MAST4: variants seen among roughly 807,000 people sequenced by gnomAD.
MAST4 encodes the protein microtubule associated serine/threonine kinase family member 4, also known as microtubule-associated serine/threonine-protein kinase 4.
Under a neutral mutation model 162.7 loss-of-function variants are expected in MAST4, and 89 were observed. The observed-to-expected ratio is 0.55, with a 90% CI of 0.46 to 0.65. The LOEUF (loss-of-function observed/expected upper bound fraction) is 0.65, where lower values mean the gene tolerates loss of function less well. Among genes scored for constraint, MAST4 ranks in the 30% least tolerant of loss-of-function variants. The probability of loss-of-function intolerance (pLI) is 0.00; values close to 1 mark genes in which losing one functional copy is unlikely to be tolerated. For missense variants in MAST4, 3,153 were observed against 3,374.0 expected, an observed-to-expected ratio of 0.93 and a Z score of 1.62; for synonymous variants, 1,479 against 1,361.1, an observed-to-expected ratio of 1.09 and a Z score of -1.91.
At position 67,166,126 on chromosome 5, in the gene MAST4, C is replaced by G; in HGVS notation, c.6947C>G (p.Ala2316Gly). The G allele has an allele frequency of 4.4e-6, 7 of 1,602,310 alleles. 1 individual carries two copies. In the South Asian group the frequency reaches 7.8e-5, roughly 18 times the overall value. ...GGACACCCAGGGCCTAGTGAGCCAG[C>G]GGACCAGAAACTGTCCGCTGTTGGT... is the stretch of plus-strand genomic sequence containing the variant. Reference protein sequence around the residue: ...RPGHPGPSEPADQKLSAVGEK... With the variant: ...RPGHPGPSEPGDQKLSAVGEK... The change falls in exon 29 of 29, where the codon GCG becomes GGG. Residue 2316 changes from alanine to glycine, a missense_variant. Physicochemically the swap from Ala to Gly is moderately conservative, Grantham distance 60 (BLOSUM62 0). This residue lies in a region of MAST4 where 1,644 missense variants were observed against 1,495.0 expected (regional missense o/e 1.10). Transcript: ENST00000403625.
intron 3 of MAST4, among the ~76,000 whole-genome samples, chr5:66,896,296 T>G (rs1762679165): frequency 6.6e-6 from 1 of 152,224 alleles, no homozygotes; most frequent in African/African-American, 2.4e-5. Context: ...GCATGAAGTG[T>G]TCTTCTCATC....
rs1284835940 is a variant in MAST4, at chr5:67,049,058, T to TATATATATATATATACAC, written c.675-5345_675-5344insTATATATATATATACACA. ...ATATATATACGTGTATATATATATATACGTATATATATATATATATACACT... is the reference window on the plus strand; with the variant it reads ...ATATATATACGTGTATATATATATATATATATATATATATACACACGTATATATATATATATATACACT... On this transcript the variant is annotated intron_variant, in intron 4 of 28. Coordinates refer to ENST00000403625, the MANE Select transcript of MAST4 (RefSeq NM_001164664.2). 1.5e-4 allele frequency among the ~76,000 whole-genome samples: 16 copies of TATATATATATATATACAC among 105,870 alleles called. No homozygotes were observed. In the South Asian group the frequency reaches 4.3e-3, roughly 29 times the overall value. 69.5% of individuals were successfully genotyped at this position (105,870 alleles called of 152,430 possible).
At chr5:66,643,404 C>A (rs1580082304) in intron 1 of MAST4, among the ~76,000 whole-genome samples, 1 of 152,230 alleles carries the variant, frequency 6.6e-6, no homozygotes, top group Admixed American at 6.5e-5. Context: ...TCTATTTAAA[C>A]ATTTTTGGTT....
intron 25 of MAST4, 135 bp downstream of exon 25, chr5:67,153,001 C>A: frequency 1.4e-6 from 1 of 714,714 alleles, no homozygotes; most frequent in Non-Finnish European, 2.4e-6. Context: ...CCTTTTAGAG[C>A]TCCATCCCTG....
At chr5:66,854,409 T>C (rs1473236516) in intron 3 of MAST4, among the ~76,000 whole-genome samples, 1 of 152,182 alleles carries the variant, frequency 6.6e-6, no homozygotes, top group East Asian at 1.9e-4. Flanking sequence ...GAATCAGGAA[T>C]CCAGATGCAG....
intron 3 of MAST4, among the ~76,000 whole-genome samples, chr5:66,881,633 G>A (rs1330335651): frequency 6.6e-6 from 1 of 152,180 alleles, no homozygotes; most frequent in African/African-American, 2.4e-5. Flanking sequence ...GCTTGCCAAA[G>A]ACTTGTGTAA....
At chr5:67,108,936 G>T (rs1765903045) in intron 10 of MAST4, among the ~76,000 whole-genome samples, 1 of 152,000 alleles carries the variant, frequency 6.6e-6, no homozygotes, top group African/African-American at 2.4e-5. Flanking sequence ...ATCCTTAGAG[G>T]AAAGTAAATC....
At chr5:66,798,075 A>G (rs1755738537) in intron 3 of MAST4, among the ~76,000 whole-genome samples, 1 of 152,124 alleles carries the variant, frequency 6.6e-6, no homozygotes, top group Non-Finnish European at 1.5e-5. Flanking sequence ...AATTTAGGAA[A>G]TCTCCAAGGT....
intron 1 of MAST4, among the ~76,000 whole-genome samples, chr5:66,696,262 A>G (rs1477502475): frequency 1.3e-5 from 2 of 152,058 alleles, no homozygotes; most frequent in African/African-American, 2.4e-5. Context: ...AGGGCTTAAT[A>G]CTTAGGTGAT....
intron 21 of MAST4, 41 bp downstream of exon 21, chr5:67,142,574 AG>A: frequency 7.5e-7 from 1 of 1,338,030 alleles, no homozygotes; most frequent in Non-Finnish European, 1.0e-6. Flanking sequence ...TCTCTCTGGG[AG>A]GATCTCCCGC....
At chr5:66,894,323 T>C (rs1480301268) in intron 3 of MAST4, among the ~76,000 whole-genome samples, 2 of 152,206 alleles carry the variant, frequency 1.3e-5, no homozygotes, top group African/African-American at 4.8e-5. Flanking sequence ...CATTAATGTG[T>C]TGCCAGGCTT....
At chr5:67,073,460 C>T (rs1004344293) in intron 5 of MAST4, among the ~76,000 whole-genome samples, 2 of 152,144 alleles carry the variant, frequency 1.3e-5, no homozygotes, top group African/African-American at 4.8e-5. Context: ...ACTCGGCTCA[C>T]GATATGGGAA....
At chr5:67,058,155 A>C (rs1447222792) in intron 5 of MAST4, among the ~76,000 whole-genome samples, 1 of 152,138 alleles carries the variant, frequency 6.6e-6, no homozygotes, top group Non-Finnish European at 1.5e-5. Context: ...GGATCGCCTG[A>C]GCTGGGGAGA....
intron 4 of MAST4, among the ~76,000 whole-genome samples, chr5:66,909,827 C>G (rs972634183): frequency 2.0e-5 from 3 of 152,162 alleles, no homozygotes; most frequent in Non-Finnish European, 4.4e-5. Flanking sequence ...TCCCCCACAC[C>G]ATTCTCATGG....
At chr5:67,138,650 T>C (rs1007295871) in intron 19 of MAST4, among the ~76,000 whole-genome samples, 1 of 152,088 alleles carries the variant, frequency 6.6e-6, no homozygotes, top group Non-Finnish European at 1.5e-5. Flanking sequence ...GCCAGGCTGG[T>C]CTTGAACTCC....
chr5:67,048,334 A>G (rs1225186283), intron 4 of MAST4, among the ~76,000 whole-genome samples: 3 of 152,218 alleles, frequency 2.0e-5, no homozygotes, highest in Non-Finnish European at 4.4e-5. Flanking sequence ...CCTCAAAAAC[A>G]TAATGTTGAG....
chr5:66,883,420 C>CTTTTTT (rs1484230630), intron 3 of MAST4, among the ~76,000 whole-genome samples: 2 of 125,514 alleles, frequency 1.6e-5, no homozygotes, highest in African/African-American at 2.9e-5. Flanking sequence ...TGTTCTGTCA[C>CTTTTTT]TGTTTTTTTT....
chr5:67,038,139 A>G (rs1756258727), intron 4 of MAST4, among the ~76,000 whole-genome samples: 1 of 152,076 alleles, frequency 6.6e-6, no homozygotes, highest in Non-Finnish European at 1.5e-5. Context: ...TATGATGGGA[A>G]CACTTTGTCT....
At chr5:66,642,092 A>G (rs561384931) in intron 1 of MAST4, among the ~76,000 whole-genome samples, 2 of 152,350 alleles carry the variant, frequency 1.3e-5, no homozygotes, top group Admixed American at 6.5e-5. Context: ...CACGGAGACA[A>G]CTAGACATTA....
Sources: allele counts gnomAD v4.1 joint callset (sites outside exome capture counted in the v4.1 genomes callset), GRCh38; gene constraint gnomAD v4.1.1; regional missense constraint gnomAD v4.1.1; transcripts MANE v1.5; gene names NCBI Gene and HGNC (gene_info 2026-07-23, HGNC 2026-07-21).